The following PTPRG variants were observed in gnomAD, a reference collection of about 807,000 sequenced individuals.
PTPRG encodes the protein receptor-type tyrosine-protein phosphatase gamma.
PTPRG carries 102 observed loss-of-function variants against 165.3 expected under a neutral mutation model. The observed-to-expected ratio is 0.62, with a 90% CI of 0.53 to 0.73. The LOEUF (loss-of-function observed/expected upper bound fraction) is 0.73. Ranked by LOEUF, PTPRG falls within the 30% of genes least tolerant of loss-of-function variation. PTPRG has a pLI of 0.00. For missense variants in PTPRG, 1,866 were observed against 1,861.4 expected (o/e 1.00, Z -0.05); for synonymous variants, 675 against 669.5 (o/e 1.01, Z -0.13).
intron 2 of PTPRG, among the ~76,000 whole-genome samples, chr3:61,867,755 C>A (rs763931852): frequency 3.3e-5 from 5 of 152,142 alleles, no homozygotes; most frequent in African/African-American, 4.8e-5. Flanking sequence ...GTTAGCAATG[C>A]AGTTTCAGAG....
intron 1 of PTPRG, among the ~76,000 whole-genome samples, chr3:61,598,778 G>A (rs897246252): frequency 2.0e-5 from 3 of 152,096 alleles, no homozygotes; most frequent in African/African-American, 7.2e-5. Flanking sequence ...TCTCAGGGTC[G>A]TGAGGGAGAA....
intron 5 of PTPRG, among the ~76,000 whole-genome samples, chr3:62,086,420 A>C (rs13079903): frequency 0.17 from 26,290 of 152,064 alleles, 2,351 homozygotes; most frequent in South Asian, 0.26. Flanking sequence ...GAAAAAAACA[A>C]GAACTATTTT....
At chr3:62,016,591 C>G (rs776331761) in intron 4 of PTPRG, among the ~76,000 whole-genome samples, 1 of 152,222 alleles carries the variant, frequency 6.6e-6, no homozygotes, top group Admixed American at 6.5e-5. Context: ...TTTCTGACTT[C>G]AGTCATTGCT....
chr3:62,281,574 GT>G lies in PTPRG; in HGVS notation c.3780del (p.Phe1260LeufsTer11). On this transcript the variant is annotated frameshift_variant, in exon 27 of 30. Transcript: ENST00000474889. LOFTEE classifies it high-confidence loss of function. ...PDNQSLAEDEFVYWPSREESM... is the reference protein window; with the variant it reads ...PDNQSLAEDEXVYWPSREESM... ...TTTGGATTCCAAAGGCAGAAGATGA[GT>G]TTGTGTACTGGCCAAGTCGAGAAGA... 4.5e-6 allele frequency: 4 copies of G among 880,724 alleles called. No homozygotes were observed. The highest frequency in any genetic ancestry group is 6.1e-6 in the Non-Finnish European group (4 of 654,322). 54.6% of individuals were successfully genotyped at this position (880,724 alleles called of 1,614,324 possible).
chr3:62,100,523 C>T (rs1028217141), intron 5 of PTPRG, among the ~76,000 whole-genome samples: 7 of 151,946 alleles, frequency 4.6e-5, no homozygotes, highest in African/African-American at 1.2e-4. Flanking sequence ...ATTTGGCATC[C>T]CTTCAGTTAG....
chr3:61,714,652 T>C (rs1342667197), intron 1 of PTPRG, among the ~76,000 whole-genome samples: 1 of 152,202 alleles, frequency 6.6e-6, no homozygotes, highest in African/African-American at 2.4e-5. Flanking sequence ...GGCCTTTTAC[T>C]TTCCACAAAA....
At chr3:62,014,114 C>T (rs2041487302) in intron 4 of PTPRG, among the ~76,000 whole-genome samples, 1 of 152,122 alleles carries the variant, frequency 6.6e-6, no homozygotes, top group Non-Finnish European at 1.5e-5. Context: ...TTAGTGCCAC[C>T]GTCACTCAGA....
rs1414902688 is a variant in PTPRG, at chr3:62,233,999, T to C, written c.2375+2688T>C. Among the ~76,000 whole-genome samples, 1 of 152,210 alleles carries C rather than the reference T, an allele frequency of 6.6e-6. No individual in the cohort carries two copies. Among genetic ancestry groups the C allele is most frequent in the Admixed American group, 6.5e-5 (1 of 15,288 alleles). The stretch of plus-strand genomic sequence containing the variant: ...CCTCCTCACAAATAGGTAGCCCCTA[T>C]TGCTAGTTTGTTGTCTATTCTTCCA... On this transcript the variant is annotated intron_variant, in intron 14 of 29. Coordinates refer to ENST00000474889, the MANE Select transcript of PTPRG (RefSeq NM_002841.4). The surrounding 1 kb of genome is among the most constrained non-coding windows in gnomAD (Gnocchi z 4.7).
At chr3:61,826,341 C>T (rs939267605) in intron 2 of PTPRG, among the ~76,000 whole-genome samples, 6 of 152,116 alleles carry the variant, frequency 3.9e-5, no homozygotes, top group Non-Finnish European at 7.4e-5. Flanking sequence ...GACCAACCTG[C>T]AGTGATGCTA....
chr3:62,032,063 T>A (rs1347994696), intron 4 of PTPRG, among the ~76,000 whole-genome samples: 1 of 152,178 alleles, frequency 6.6e-6, no homozygotes, highest in African/African-American at 2.4e-5. Flanking sequence ...CTAATGAGAA[T>A]TCCTGGGACA....
At chr3:61,570,458 A>C (rs1224828088) in intron 1 of PTPRG, among the ~76,000 whole-genome samples, 2 of 152,204 alleles carry the variant, frequency 1.3e-5, no homozygotes, top group African/African-American at 2.4e-5. Flanking sequence ...AGAAAATAGG[A>C]CAACTGGTCT....
chr3:61,787,831 A>T (rs577553625), intron 2 of PTPRG, among the ~76,000 whole-genome samples: 18 of 152,226 alleles, frequency 1.2e-4, no homozygotes, highest in African/African-American at 3.6e-4. Context: ...ACATTTGTGA[A>T]CATGACGGCT....
At chr3:62,179,043 C>A (rs1442345620) in intron 8 of PTPRG, among the ~76,000 whole-genome samples, 1 of 152,196 alleles carries the variant, frequency 6.6e-6, no homozygotes, top group Non-Finnish European at 1.5e-5. Flanking sequence ...TGGGAGACAT[C>A]TTCCCCATTC....
intron 1 of PTPRG, among the ~76,000 whole-genome samples, chr3:61,635,924 T>C (rs1031127097): frequency 2.0e-5 from 3 of 152,218 alleles, no homozygotes; most frequent in African/African-American, 7.2e-5. Context: ...TAGTGTGTTT[T>C]ATTTTCCAAA....
chr3:61,946,767 T>C (rs2039768971), intron 2 of PTPRG, among the ~76,000 whole-genome samples: 1 of 152,268 alleles, frequency 6.6e-6, no homozygotes, highest in South Asian at 2.1e-4. Context: ...GACATCTGTT[T>C]ACTTTCAACT....
At chr3:61,616,101 C>A (rs1701290485) in intron 1 of PTPRG, among the ~76,000 whole-genome samples, 1 of 152,138 alleles carries the variant, frequency 6.6e-6, no homozygotes. Context: ...TAGTCATGTG[C>A]CACCATGCCA....
At chr3:61,812,278 CCATT>C (rs71782952) in intron 2 of PTPRG, among the ~76,000 whole-genome samples, 18,775 of 144,714 alleles carry the variant, frequency 0.13, 1,141 homozygotes, top group Middle Eastern at 0.18. Flanking sequence ...GTGGTCCTGA[CCATT>C]CATTCATTCA....
At chr3:62,167,941 TC>T (rs1039111085) in intron 7 of PTPRG, 29 bp from the exon 8 acceptor site, 3 of 1,566,412 alleles carry the variant, frequency 1.9e-6, no homozygotes, top group Non-Finnish European at 2.6e-6. Context: ...GTTTTTTTTT[TC>T]CCCCTCCCCT....
rs1700046736 is a variant in PTPRG at position 62,199,499 on chromosome 3, A to G, written c.1328-2006A>G. 2.6e-5 allele frequency among the ~76,000 whole-genome samples: 4 copies of G among 152,208 alleles called. No homozygotes were observed. The South Asian group carries it at 8.3e-4, about 31-fold the overall frequency. Reference sequence around the variant, plus strand: ...GGAAGGTGAGCCTAGTTTTGCCAATATCGTGAGTTTTCAGATAAGCAAGAG... The same window carrying G: ...GGAAGGTGAGCCTAGTTTTGCCAATGTCGTGAGTTTTCAGATAAGCAAGAG... On this transcript the variant is annotated intron_variant, in intron 10 of 29. Coordinates refer to ENST00000474889, the MANE Select transcript of PTPRG (RefSeq NM_002841.4).
Sources: allele counts gnomAD v4.1 joint callset (sites outside exome capture counted in the v4.1 genomes callset), GRCh38; gene constraint gnomAD v4.1.1; non-coding constraint Gnocchi (gnomAD v3.1); transcripts MANE v1.5; gene names NCBI Gene and HGNC (gene_info 2026-07-23, HGNC 2026-07-21).